The following TDRD10 variants were observed in gnomAD, a reference collection of about 807,000 sequenced individuals.
TDRD10 encodes tudor domain containing 10.
TDRD10 carries 40 observed loss-of-function variants against 48.0 expected under a neutral mutation model. The observed-to-expected ratio is 0.83, with a 90% CI of 0.65 to 1.09. The LOEUF (loss-of-function observed/expected upper bound fraction) is 1.09. TDRD10 is among the 50% of genes least tolerant of loss of function. The pLI is 0.00. For missense variants in TDRD10, 378 were observed against 434.7 expected (o/e 0.87, Z 1.16); for synonymous variants, 162 against 170.4 (o/e 0.95, Z 0.38).
At position 154,532,532 on chromosome 1, in the gene TDRD10, G is replaced by A. The variant is rs557201706; in HGVS notation, c.370-9492G>A. On this transcript the variant is annotated intron_variant, in intron 6 of 12. Transcript: ENST00000368482. ...CAGAGAAGGGCTCCCACGGTGCAGCGGCGGGCTGAAGGGCTCCTCAAGCGC... is the reference window on the plus strand; with the variant it reads ...CAGAGAAGGGCTCCCACGGTGCAGCAGCGGGCTGAAGGGCTCCTCAAGCGC... Among the ~76,000 whole-genome samples, 6 of 152,308 alleles carry A rather than the reference G, an allele frequency of 3.9e-5. 1 individual carries two copies. Among genetic ancestry groups the A allele is most frequent in the Middle Eastern group, 6.8e-3 (2 of 294 alleles).
chr1:154,531,250 T>C (rs767438728), intron 6 of TDRD10, among the ~76,000 whole-genome samples: 27 of 152,224 alleles, frequency 1.8e-4, no homozygotes, highest in Non-Finnish European at 2.9e-4. Flanking sequence ...TTAAAATGTT[T>C]GTCAGGTAGT....
intron 4 of TDRD10, among the ~76,000 whole-genome samples, chr1:154,516,128 G>A (rs1393648265): frequency 1.3e-5 from 2 of 152,166 alleles, no homozygotes; most frequent in Admixed American, 1.3e-4. Flanking sequence ...CACCTAATAA[G>A]TATCTATTGA....
chr1:154,543,826 G>T, intron 8 of TDRD10, 137 bp from the exon 9 acceptor site: 19 of 1,324,490 alleles, frequency 1.4e-5, no homozygotes, highest in Non-Finnish European at 1.9e-5. Context: ...CCTAGAGGGG[G>T]TGGGCACAGC....
At chr1:154,517,451 C>T (rs1253889799) in intron 4 of TDRD10, among the ~76,000 whole-genome samples, 13 of 143,820 alleles carry the variant, frequency 9.0e-5, no homozygotes, top group South Asian at 4.4e-4. Flanking sequence ...GACGGAGTCT[C>T]GTTCTTGTTG....
intron 11 of TDRD10, among the ~76,000 whole-genome samples, chr1:154,545,441 G>T (rs1383612274): frequency 1.3e-5 from 2 of 152,214 alleles, no homozygotes; most frequent in African/African-American, 4.8e-5. Context: ...AAATGAAGAG[G>T]CCCCTTCTCA....
intron 3 of TDRD10, among the ~76,000 whole-genome samples, chr1:154,508,057 C>A (rs1693247663): frequency 6.6e-6 from 1 of 152,158 alleles, no homozygotes; most frequent in Non-Finnish European, 1.5e-5. Flanking sequence ...CAGAGTGATC[C>A]CCTGCTGGGA....
chr1:154,542,883 A>C, intron 8 of TDRD10, 62 bp downstream of exon 8: 1 of 1,390,912 alleles, frequency 7.2e-7, no homozygotes, highest in Non-Finnish European at 1.0e-6. Context: ...TCTGTCCCCC[A>C]GAGAGTGGGG....
chr1:154,520,488 C>A, intron 5 of TDRD10, 114 bp downstream of exon 5: 2 of 773,322 alleles, frequency 2.6e-6, no homozygotes, highest in South Asian at 3.1e-5. Flanking sequence ...TCCACACCCA[C>A]TCTGACTTGG....
Position 154,512,376 on chromosome 1 carries a change from C to T in TDRD10, c.141+3895C>T, listed in dbSNP as rs924919680. ...TTTTTGTTTTTAAGACGGAGTTTCACTCTTGTTGCCCAGGCTGGAGTGCAA... is the reference window on the plus strand; with the variant it reads ...TTTTTGTTTTTAAGACGGAGTTTCATTCTTGTTGCCCAGGCTGGAGTGCAA... On this transcript the variant is annotated intron_variant, in intron 4 of 12. Coordinates refer to ENST00000368482, the MANE Select transcript of TDRD10 (RefSeq NM_182499.4). 3.3e-5 allele frequency among the ~76,000 whole-genome samples: 5 copies of T among 152,184 alleles called. No individual in the cohort carries two copies. The South Asian group carries it at 1.0e-3, about 32-fold the overall frequency.
At chr1:154,545,429 G>A (rs906793197) in intron 11 of TDRD10, among the ~76,000 whole-genome samples, 1 of 152,148 alleles carries the variant, frequency 6.6e-6, no homozygotes, top group Non-Finnish European at 1.5e-5. Flanking sequence ...CTCCATAGGT[G>A]GAAATGAAGA....
At chr1:154,531,118 G>C (rs1557827762) in intron 6 of TDRD10, among the ~76,000 whole-genome samples, 1 of 152,096 alleles carries the variant, frequency 6.6e-6, no homozygotes, top group South Asian at 2.1e-4. Flanking sequence ...TAGGATTACA[G>C]GTGTGAGCCA....
At chr1:154,515,386 C>T (rs1001839255) in intron 4 of TDRD10, among the ~76,000 whole-genome samples, 1 of 152,142 alleles carries the variant, frequency 6.6e-6, no homozygotes, top group Non-Finnish European at 1.5e-5. Context: ...CAGGTCTTGG[C>T]CCCCCTCCAC....
chr1:154,513,178 T>A (rs1382092393), intron 4 of TDRD10, among the ~76,000 whole-genome samples: 1 of 152,260 alleles, frequency 6.6e-6, no homozygotes, highest in Non-Finnish European at 1.5e-5. Flanking sequence ...GAGCATCACG[T>A]ACTACATTTG....
At position 154,540,332 on chromosome 1, in the gene TDRD10, G is replaced by A. The variant is rs984869313; in HGVS notation, c.370-1692G>A. Among the ~76,000 whole-genome samples the A allele has an allele frequency of 3.3e-5, 5 of 152,012 alleles. No homozygotes were observed. The East Asian group carries it at 7.7e-4, about 24-fold the overall frequency. On this transcript the variant is annotated intron_variant, in intron 6 of 12. Coordinates refer to ENST00000368482, the MANE Select transcript of TDRD10 (RefSeq NM_182499.4). ...AGCTTGGCTTGCTGATGAATTTGACGTAGGGAGCTTGGGAGAGAGAACTTG... is the reference window on the plus strand; with the variant it reads ...AGCTTGGCTTGCTGATGAATTTGACATAGGGAGCTTGGGAGAGAGAACTTG...
intron 6 of TDRD10, among the ~76,000 whole-genome samples, chr1:154,525,687 A>G (rs1238627812): frequency 6.6e-6 from 1 of 152,204 alleles, no homozygotes; most frequent in East Asian, 1.9e-4. Context: ...TGAGGTCAGG[A>G]GTTCAAGACC....
At chr1:154,513,903 T>G (rs1432782410) in intron 4 of TDRD10, among the ~76,000 whole-genome samples, 1 of 152,032 alleles carries the variant, frequency 6.6e-6, no homozygotes, top group Non-Finnish European at 1.5e-5. Context: ...TAGAAGAGAC[T>G]TAGGGGCTGT....
chr1:154,529,692 C>T (rs1251063601), intron 6 of TDRD10, among the ~76,000 whole-genome samples: 2 of 151,708 alleles, frequency 1.3e-5, no homozygotes, highest in African/African-American at 2.4e-5. Flanking sequence ...ATTATAGGCG[C>T]CCACCACCAC....
At chr1:154,545,673 C>CAAGCAATCCTTCCACCTTGGCCT (rs1397451993) in intron 11 of TDRD10, among the ~76,000 whole-genome samples, 1 of 151,794 alleles carries the variant, frequency 6.6e-6, no homozygotes, top group Non-Finnish European at 1.5e-5. Flanking sequence ...CTCCTTGGCT[C>CAAGCAATCCTTCCACCTTGGCCT]AAGCAATCCT....
intron 6 of TDRD10, 23 bp downstream of exon 6, chr1:154,521,502 T>C: frequency 1.2e-6 from 2 of 1,608,582 alleles, no homozygotes; most frequent in Non-Finnish European, 1.7e-6. Flanking sequence ...GCCTTTCTGC[T>C]CTGGGGCGTT....
Sources: gnomAD v4.1 joint callset for allele counts (sites outside exome capture counted in the v4.1 genomes callset) on GRCh38, gnomAD v4.1.1 for gene constraint, MANE v1.5 for transcripts, NCBI Gene and HGNC (gene_info 2026-07-23, HGNC 2026-07-21) for gene names.